SOX6: variants seen among roughly 807,000 people sequenced by gnomAD.
The protein encoded by SOX6 is SRY-box transcription factor 6, also known as transcription factor SOX-6.
Under a neutral mutation model 97.8 loss-of-function variants are expected in SOX6, and 11 were observed. That is an observed-to-expected ratio of 0.11 (90% CI 0.07 to 0.19). The LOEUF (loss-of-function observed/expected upper bound fraction) is 0.19. Ranked by LOEUF, SOX6 falls within the 10% of genes least tolerant of loss-of-function variation. SOX6 has a pLI of 1.00. For missense variants in SOX6, 810 were observed against 1,039.5 expected (o/e 0.78, Z 3.04); for synonymous variants, 360 against 371.4 (o/e 0.97, Z 0.35).
At chr11:16,316,503 ACT>A (rs995467907) in intron 3 of SOX6, 15 of 151,984 alleles carry the variant, frequency 9.9e-5, no homozygotes, top group Non-Finnish European at 2.2e-4. Context: ...GTAATAAATG[ACT>A]CTTAAAGGAC....
In SOX6 at chr11:16,423,537, C is replaced by T. The variant is rs140310745; in HGVS notation, c.-5+52778G>A. On this transcript the variant is annotated intron_variant, in intron 1 of 15. Transcript: ENST00000396356. Reference sequence around the variant, plus strand: ...CATCTGATGAACAAATGAGTGACCACTGCAATAATACATAAAGAAAAAGGA... The same window carrying T: ...CATCTGATGAACAAATGAGTGACCATTGCAATAATACATAAAGAAAAAGGA... Among the ~76,000 whole-genome samples the T allele has an allele frequency of 9.2e-5, 14 of 152,204 alleles. No homozygotes were observed. The East Asian group carries it at 1.5e-3, about 17-fold the overall frequency.
At chr11:16,595,510 A>G (rs1038475499) in intron 4 of SOX6, among the ~76,000 whole-genome samples, 1 of 151,210 alleles carries the variant, frequency 6.6e-6, no homozygotes, top group Admixed American at 6.6e-5. Flanking sequence ...GGTGGGCATG[A>G]TGGCTCCACC....
At chr11:16,554,158 C>T (rs7131309) in intron 4 of SOX6, among the ~76,000 whole-genome samples, 5,117 of 152,104 alleles carry the variant, frequency 0.034, 277 homozygotes, top group African/African-American at 0.12. Context: ...CCCAACACTA[C>T]CCAACAAAAA....
At chr11:16,288,695 T>C (rs750930786) in intron 3 of SOX6, among the ~76,000 whole-genome samples, 2 of 151,976 alleles carry the variant, frequency 1.3e-5, no homozygotes, top group Non-Finnish European at 2.9e-5. Flanking sequence ...TAGTGAAGTT[T>C]CATAACAGTT....
At chr11:16,521,234 T>C (rs1861052842) in intron 4 of SOX6, among the ~76,000 whole-genome samples, 1 of 152,040 alleles carries the variant, frequency 6.6e-6, no homozygotes, top group African/African-American at 2.4e-5. Context: ...GCACCCCCAG[T>C]AGGGGCAGAC....
At chr11:16,568,713 C>A (rs897058529) in intron 4 of SOX6, among the ~76,000 whole-genome samples, 1 of 152,170 alleles carries the variant, frequency 6.6e-6, no homozygotes, top group African/African-American at 2.4e-5. Context: ...GAACCCTTAA[C>A]TCAGTCAAAA....
chr11:16,050,161 T>C (rs1847650338), intron 10 of SOX6, among the ~76,000 whole-genome samples: 1 of 152,156 alleles, frequency 6.6e-6, no homozygotes, highest in Non-Finnish European at 1.5e-5. Flanking sequence ...AGTTGGATCA[T>C]TCTTTTTGCC....
intron 3 of SOX6, among the ~76,000 whole-genome samples, chr11:16,704,029 T>A (rs141325489): frequency 6.6e-6 from 1 of 152,292 alleles, no homozygotes; most frequent in Non-Finnish European, 1.5e-5. Flanking sequence ...ATTAGTTACA[T>A]AAAGAACAAT....
chr11:16,668,837 G>C (rs185490042), intron 3 of SOX6, among the ~76,000 whole-genome samples: 36 of 152,196 alleles, frequency 2.4e-4, no homozygotes, highest in Admixed American at 3.9e-4. Flanking sequence ...GGTCAACGAG[G>C]ATAAACAATT....
At chr11:16,416,954 G>A (rs1801266497) in intron 1 of SOX6, among the ~76,000 whole-genome samples, 1 of 152,146 alleles carries the variant, frequency 6.6e-6, no homozygotes, top group African/African-American at 2.4e-5. Context: ...ACTGAAGCGT[G>A]AAATGGAGTC....
chr11:16,119,245 T>C (rs750655431), intron 6 of SOX6, among the ~76,000 whole-genome samples: 1 of 152,236 alleles, frequency 6.6e-6, no homozygotes, highest in South Asian at 2.1e-4. Context: ...TGCATGGAAA[T>C]CCACAGTACA....
In SOX6 at chr11:16,096,138, GAA is replaced by G. The variant is rs747111778; in HGVS notation, c.979-22_979-21del. ...ACCCTTCTGTTTAGTAGCATATTCA[GAA>G]AAAAAAAAAAAGACAAAACATACTG... On this transcript the variant is annotated intron_variant, in intron 8 of 15. Coordinates refer to ENST00000683767, the MANE Select transcript of SOX6 (RefSeq NM_001367873.1). 1.5e-4 allele frequency: 204 copies of G among 1,332,674 alleles called. No homozygotes were observed. Among genetic ancestry groups the G allele is most frequent in the Admixed American group, 2.7e-4 (13 of 48,370 alleles). 82.6% of individuals were successfully genotyped at this position (1,332,674 alleles called of 1,614,324 possible). A position where few individuals can be genotyped will look rare whatever the true frequency, so the allele number is the denominator to read the frequency against.
At chr11:16,276,300 C>T (rs979354158) in intron 3 of SOX6, among the ~76,000 whole-genome samples, 1 of 152,122 alleles carries the variant, frequency 6.6e-6, no homozygotes, top group Non-Finnish European at 1.5e-5. Flanking sequence ...ACCTAAAGAC[C>T]TTGGCTATAA....
At chr11:16,342,147 G>A (rs543921540) in intron 1 of SOX6, among the ~76,000 whole-genome samples, 6 of 151,932 alleles carry the variant, frequency 3.9e-5, no homozygotes, top group Non-Finnish European at 5.9e-5. Context: ...ACATGACAAC[G>A]TCTCCATTCT....
chr11:16,642,922 T>C (rs572828943), intron 3 of SOX6, among the ~76,000 whole-genome samples: 2 of 152,312 alleles, frequency 1.3e-5, no homozygotes, highest in African/African-American at 4.8e-5. Flanking sequence ...CTCATCAAAG[T>C]CATTCTCTGT....
intron 4 of SOX6, among the ~76,000 whole-genome samples, chr11:16,508,290 C>A (rs1267437192): frequency 2.0e-5 from 3 of 151,848 alleles, no homozygotes; most frequent in Non-Finnish European, 2.9e-5. Flanking sequence ...ACTTTTCTAA[C>A]TGGAGAGTTC....
chr11:16,028,487 T>C (rs1165015304), intron 12 of SOX6, among the ~76,000 whole-genome samples: 1 of 152,238 alleles, frequency 6.6e-6, no homozygotes, highest in African/African-American at 2.4e-5. Flanking sequence ...GTGAAGCTTT[T>C]GTTAGGCTCT....
chr11:16,609,954 C>CAA (rs1228051783), intron 4 of SOX6, among the ~76,000 whole-genome samples: 2 of 152,132 alleles, frequency 1.3e-5, no homozygotes, highest in African/African-American at 4.8e-5. Context: ...GCCTGGAGGC[C>CAA]AATAAGATGT....
chr11:16,512,835 G>A (rs1860901203), intron 4 of SOX6, among the ~76,000 whole-genome samples: 1 of 152,106 alleles, frequency 6.6e-6, no homozygotes, highest in Non-Finnish European at 1.5e-5. Flanking sequence ...ATAAGTAAAG[G>A]AAAATAACAA....
Sources: gnomAD v4.1 joint callset for allele counts (sites outside exome capture counted in the v4.1 genomes callset) on GRCh38, gnomAD v4.1.1 for gene constraint, MANE v1.5 for transcripts, NCBI Gene and HGNC (gene_info 2026-07-23, HGNC 2026-07-21) for gene names.